Variants in TMEM87A observed in about 807,000 individuals in gnomAD.
TMEM87A encodes the protein Golgi-pH regulating cation channel.
Under a neutral mutation model 90.0 loss-of-function variants are expected in TMEM87A, and 50 were observed. The observed-to-expected ratio is 0.56, with a 90% CI of 0.44 to 0.70. The LOEUF is 0.70. TMEM87A is among the 30% of genes least tolerant of loss of function. The pLI is 0.00. For synonymous variants in TMEM87A, 226 were observed against 226.7 expected (o/e 1.00, Z 0.03); for missense variants, 577 against 660.5 (o/e 0.87, Z 1.39).
intron 3 of TMEM87A, among the ~76,000 whole-genome samples, chr15:42,264,907 A>G (rs2051372435): frequency 2.0e-5 from 3 of 151,632 alleles, no homozygotes; most frequent in East Asian, 3.9e-4. Flanking sequence ...CTTTGTGATC[A>G]TGTGTTCTCA....
In TMEM87A at chr15:42,248,631, G is replaced by A. The variant is rs537495462; in HGVS notation, c.505-4464C>T. On this transcript the variant is annotated intron_variant, in intron 6 of 19. Transcript: ENST00000389834. Reference sequence around the variant, plus strand: ...ACCACCCTTGCATCCCAGGGATGAAGCCAACTTGATCTTGGTGGACATGCT... The same window carrying A: ...ACCACCCTTGCATCCCAGGGATGAAACCAACTTGATCTTGGTGGACATGCT... Among the ~76,000 whole-genome samples the A allele has an allele frequency of 4.5e-4, 69 of 152,314 alleles. No individual in the cohort carries two copies. The South Asian group carries it at 0.013, about 29-fold the overall frequency.
chr15:42,233,196 G>C lies in TMEM87A; in HGVS notation c.1062+17C>G, dbSNP rs2050715411. 1 of 1,591,270 alleles carries C rather than the reference G, an allele frequency of 6.3e-7. No individual in the cohort carries two copies. Among genetic ancestry groups the C allele is most frequent in the African/African-American group, 1.3e-5 (1 of 74,514 alleles). On this transcript the variant is annotated intron_variant, in intron 11 of 19. Transcript: ENST00000389834. ...TAATTGAACTGACCACAGAAAATGA[G>C]ATTAAGCAGTACTAACCCCAGTAAC...
chr15:42,258,820 G>A, intron 6 of TMEM87A: 1 of 1,468,602 alleles, frequency 6.8e-7, no homozygotes, highest in Non-Finnish European at 9.0e-7. Context: ...CTGGGGTTTA[G>A]GTAGTGAGAA....
chr15:42,225,838 A>T (rs2050582248), intron 15 of TMEM87A, among the ~76,000 whole-genome samples: 1 of 151,372 alleles, frequency 6.6e-6, no homozygotes, highest in African/African-American at 2.4e-5. Flanking sequence ...TGCCTGGTTG[A>T]CACAATAGAT....
In TMEM87A at chr15:42,264,696, TA is replaced by T. The variant is rs1430674550; in HGVS notation, c.292-494del. Among the ~76,000 whole-genome samples, 180 of 40,712 alleles carry T rather than the reference TA, an allele frequency of 4.4e-3. 1 individual carries two copies. Among genetic ancestry groups the T allele is most frequent in the African/African-American group, 1.0e-2 (172 of 17,212 alleles). 26.7% of individuals were successfully genotyped at this position (40,712 alleles called of 152,430 possible). ...ATATATGTGTGTGTATATATATATA[TA>T]TATTTTTTTTTTAACTTTTATTTTA... is the stretch of plus-strand genomic sequence containing the variant. On this transcript the variant is annotated intron_variant, in intron 3 of 19. Transcript: ENST00000389834.
chr15:42,245,075 A>G (rs1031533545), intron 6 of TMEM87A, among the ~76,000 whole-genome samples: 7 of 152,114 alleles, frequency 4.6e-5, no homozygotes, highest in African/African-American at 1.7e-4. Flanking sequence ...TTCCATGATA[A>G]AAATCCATGT....
rs1484853647 is a variant in TMEM87A at position 42,226,877 on chromosome 15, G to C, written c.1332C>G (p.Ile444Met). 1 of 1,614,130 alleles carries C rather than the reference G, an allele frequency of 6.2e-7. No homozygotes were observed. Among genetic ancestry groups the C allele is most frequent in the Non-Finnish European group, 8.5e-7 (1 of 1,180,042 alleles). The change falls in exon 15 of 20, where the codon ATC becomes ATG. Residue 444 changes from isoleucine to methionine, a missense_variant. By Grantham distance (10) the Ile-to-Met change is conservative. Coordinates refer to ENST00000389834, the MANE Select transcript of TMEM87A (RefSeq NM_015497.5). ...DWRELWVDDA[I>M]WRLLFSMILF... ...GGATCATGGAGAACAGCAAGCGCCA[G>C]ATGGCATCGTCTACCCACAGCTCCC...
At chr15:42,256,734 T>C (rs1448925695) in intron 6 of TMEM87A, among the ~76,000 whole-genome samples, 1 of 152,196 alleles carries the variant, frequency 6.6e-6, no homozygotes, top group East Asian at 1.9e-4. Context: ...CTGTTGTTTT[T>C]GTTTTAGAGA....
intron 19 of TMEM87A, 151 bp downstream of exon 19, chr15:42,217,652 A>G: frequency 1.5e-6 from 1 of 657,322 alleles, no homozygotes; most frequent in Non-Finnish European, 2.6e-6. Context: ...GAACTCTATT[A>G]GTATTTCTAT....
At chr15:42,268,102 C>A (rs536723002) in intron 2 of TMEM87A, 70 bp from the exon 3 acceptor site, 1 of 1,324,998 alleles carries the variant, frequency 7.5e-7, no homozygotes, top group South Asian at 1.2e-5. Context: ...AGCTGTTAAC[C>A]TATATCCTAT....
At chr15:42,262,680 G>A (rs2051319227) in intron 4 of TMEM87A, among the ~76,000 whole-genome samples, 1 of 152,088 alleles carries the variant, frequency 6.6e-6, no homozygotes, top group Admixed American at 6.5e-5. Flanking sequence ...GCCTCCCAAA[G>A]TGCTGGGATT....
Position 42,244,132 on chromosome 15 carries a change from T to C in TMEM87A, c.540A>G (p.Ala180=), listed in dbSNP as rs1228971823. 1 of 1,575,476 alleles carries C rather than the reference T, an allele frequency of 6.3e-7. No homozygotes were observed. Residue 180 remains alanine, a synonymous_variant, in exon 7 of 20, where the codon GCA becomes GCG. Transcript: ENST00000389834. ...MHEPLQTWQD[A]PYIFIVHIGI... is the part of the protein sequence containing the mutation. Reference sequence around the variant, plus strand: ...CAATATGTACAATAAAAATGTATGGTGCATCTTGCCAAGTTTGCAATGGTT... The same window carrying C: ...CAATATGTACAATAAAAATGTATGGCGCATCTTGCCAAGTTTGCAATGGTT...
intron 15 of TMEM87A, among the ~76,000 whole-genome samples, chr15:42,224,945 G>T (rs2050562466): frequency 6.6e-6 from 1 of 152,152 alleles, no homozygotes; most frequent in African/African-American, 2.4e-5. Flanking sequence ...AATGACTGAG[G>T]AAGGGAAAAT....
chr15:42,227,660 A>G (rs1412446509), intron 14 of TMEM87A, 51 bp downstream of exon 14: 1 of 1,523,506 alleles, frequency 6.6e-7, no homozygotes, highest in East Asian at 2.3e-5. Context: ...CATCAACACC[A>G]TCAGTTGTTT....
intron 3 of TMEM87A, among the ~76,000 whole-genome samples, chr15:42,266,804 T>C (rs531865712): frequency 2.6e-5 from 4 of 152,202 alleles, no homozygotes; most frequent in Non-Finnish European, 5.9e-5. Flanking sequence ...ATGGAAAGCA[T>C]GCAAAATACA....
chr15:42,226,956 C>T, intron 14 of TMEM87A, 47 bp from the exon 15 acceptor site: 5 of 1,553,370 alleles, frequency 3.2e-6, no homozygotes, highest in Non-Finnish European at 4.4e-6. Flanking sequence ...TTATCTTAAC[C>T]CCTTGTTCAT....
intron 15 of TMEM87A, among the ~76,000 whole-genome samples, chr15:42,225,645 C>A (rs576100039): frequency 3.9e-5 from 6 of 152,126 alleles, no homozygotes; most frequent in Non-Finnish European, 1.5e-5. Context: ...GATTCTTGTG[C>A]CTCAGCCTCC....
rs1426649982 is a variant in TMEM87A, at chr15:42,239,749, T to A, written c.623-18A>T. The A allele has an allele frequency of 5.6e-6, 9 of 1,608,342 alleles. No homozygotes were observed. Among genetic ancestry groups the A allele is most frequent in the Non-Finnish European group, 6.8e-6 (8 of 1,174,898 alleles). ...AACAGTCACTGCCAAAACAGAGTCCTCAGAATTAATTTACAGGATGCAGAA... is the reference window on the plus strand; with the variant it reads ...AACAGTCACTGCCAAAACAGAGTCCACAGAATTAATTTACAGGATGCAGAA... On this transcript the variant is annotated intron_variant, in intron 7 of 19. Transcript: ENST00000389834.
chr15:42,244,404 A>C (rs564915649), intron 6 of TMEM87A, among the ~76,000 whole-genome samples: 4 of 151,990 alleles, frequency 2.6e-5, no homozygotes, highest in Non-Finnish European at 5.9e-5. Context: ...CACATTTAAC[A>C]TATTTTTTTA....
Sources: gnomAD v4.1 joint callset for allele counts (sites outside exome capture counted in the v4.1 genomes callset) on GRCh38, gnomAD v4.1.1 for gene constraint, MANE v1.5 for transcripts, NCBI Gene and HGNC (gene_info 2026-07-23, HGNC 2026-07-21) for gene names.